The following BMPR1B variants were observed in gnomAD, a reference collection of about 807,000 sequenced individuals.
BMPR1B encodes the protein bone morphogenetic protein receptor type 1B, also known as bone morphogenetic protein receptor type-1B.
In BMPR1B, 12 loss-of-function variants were observed where a neutral mutation model predicts 59.1. The observed-to-expected ratio is 0.20, with a 90% CI of 0.13 to 0.33. BMPR1B has a LOEUF of 0.33. Ranked by LOEUF, BMPR1B falls within the 10% of genes least tolerant of loss-of-function variation. The pLI, the probability that BMPR1B is intolerant of heterozygous loss-of-function variation, is 1.00. For missense variants in BMPR1B, 550 were observed against 610.9 expected (o/e 0.90, Z 1.05); for synonymous variants, 237 against 207.3 (o/e 1.14, Z -1.23).
At chr4:94,951,925 C>T (rs1560564510) in intron 2 of BMPR1B, among the ~76,000 whole-genome samples, 1 of 152,096 alleles carries the variant, frequency 6.6e-6, no homozygotes, top group African/African-American at 2.4e-5. Context: ...ATTACTACCA[C>T]AATTTCAGAA....
intron 2 of BMPR1B, among the ~76,000 whole-genome samples, chr4:94,963,670 T>C (rs988276343): frequency 3.3e-5 from 5 of 152,170 alleles, no homozygotes; most frequent in African/African-American, 1.2e-4. Context: ...GAACTAGTTA[T>C]GGGTTCTCTG....
At chr4:94,836,239 T>C (rs1376937531) in intron 1 of BMPR1B, among the ~76,000 whole-genome samples, 2 of 151,316 alleles carry the variant, frequency 1.3e-5, no homozygotes, top group Non-Finnish European at 2.9e-5. Context: ...TGTGTCTTTA[T>C]AGCAGCATGA....
intron 1 of BMPR1B, among the ~76,000 whole-genome samples, chr4:94,837,935 C>A (rs1288035992): frequency 2.3e-5 from 3 of 129,608 alleles, no homozygotes; most frequent in Admixed American, 7.4e-5. Context: ...TATGTCCCAT[C>A]AATACCTAAT....
intron 1 of BMPR1B, among the ~76,000 whole-genome samples, chr4:94,870,003 G>A (rs1726415311): frequency 6.6e-6 from 1 of 152,206 alleles, no homozygotes; most frequent in South Asian, 2.1e-4. Context: ...TTGAAAATCT[G>A]TGTAGTCAGT....
chr4:95,120,462 A>G (rs1732391837), intron 6 of BMPR1B, among the ~76,000 whole-genome samples: 1 of 152,222 alleles, frequency 6.6e-6, no homozygotes, highest in Non-Finnish European at 1.5e-5. Context: ...TTATGAAAAG[A>G]AGAAGTTAAA....
At chr4:94,822,700 C>G (rs558674016) in intron 1 of BMPR1B, among the ~76,000 whole-genome samples, 2 of 152,248 alleles carry the variant, frequency 1.3e-5, no homozygotes, top group African/African-American at 4.8e-5. Context: ...TATTCAAAGT[C>G]ACTGCCATAG....
In BMPR1B at chr4:95,154,833, A is replaced by G. The variant is rs1735301063; in HGVS notation, c.*160A>G. On this transcript the variant is annotated 3_prime_UTR_variant, in exon 13 of 13. Coordinates refer to ENST00000515059, the MANE Select transcript of BMPR1B (RefSeq NM_001203.3). Reference sequence around the variant, plus strand: ...TCACCTCTCAGGGAGCGACCTGGGCAAAGACAGAGAAGCTCCCAGAAGGAG... The same window carrying G: ...TCACCTCTCAGGGAGCGACCTGGGCGAAGACAGAGAAGCTCCCAGAAGGAG... 6.4e-6 allele frequency: 6 copies of G among 939,290 alleles called. No individual in the cohort carries two copies. The East Asian group carries it at 1.3e-4, about 21-fold the overall frequency. The allele number at this position is 939,290 out of a possible 1,614,324, so 58.2% of individuals were successfully genotyped here.
chr4:95,139,441 C>G (rs1357184633), intron 10 of BMPR1B, among the ~76,000 whole-genome samples: 1 of 152,176 alleles, frequency 6.6e-6, no homozygotes, highest in African/African-American at 2.4e-5. Context: ...CTTTTCAAAG[C>G]TGTCAGACAG....
At chr4:94,938,976 A>C (rs1729416168) in intron 2 of BMPR1B, among the ~76,000 whole-genome samples, 1 of 152,208 alleles carries the variant, frequency 6.6e-6, no homozygotes, top group Admixed American at 6.5e-5. Flanking sequence ...CAGCCACTGT[A>C]TGCCAGCCTG....
chr4:94,978,575 C>A (rs1281142158), intron 2 of BMPR1B, among the ~76,000 whole-genome samples: 1 of 152,170 alleles, frequency 6.6e-6, no homozygotes, highest in Non-Finnish European at 1.5e-5. Flanking sequence ...AATTTTATGA[C>A]CTGCCTTTCA....
At chr4:95,015,554 T>C (rs1223783871) in intron 3 of BMPR1B, among the ~76,000 whole-genome samples, 2 of 152,092 alleles carry the variant, frequency 1.3e-5, no homozygotes, top group Non-Finnish European at 2.9e-5. Flanking sequence ...CCAGACTCAT[T>C]TTTTAATTTT....
intron 3 of BMPR1B, among the ~76,000 whole-genome samples, chr4:95,031,010 G>GA (rs1384208275): frequency 1.3e-5 from 2 of 151,626 alleles, no homozygotes; most frequent in Non-Finnish European, 1.5e-5. Context: ...CACAGAATTG[G>GA]AAAAAACTAC....
At chr4:95,044,443 A>G (rs1027197244) in intron 3 of BMPR1B, among the ~76,000 whole-genome samples, 1 of 152,154 alleles carries the variant, frequency 6.6e-6, no homozygotes, top group South Asian at 2.1e-4. Context: ...GTGAATACTT[A>G]AAGAAGGTCA....
chr4:94,820,404 C>T (rs2110653326), intron 1 of BMPR1B, among the ~76,000 whole-genome samples: 1 of 152,316 alleles, frequency 6.6e-6, no homozygotes, highest in East Asian at 1.9e-4. Context: ...GTTGAAGTAA[C>T]CGGATTGCTT....
chr4:94,881,311 G>T (rs770062707), intron 2 of BMPR1B, among the ~76,000 whole-genome samples: 1 of 152,032 alleles, frequency 6.6e-6, no homozygotes, highest in Non-Finnish European at 1.5e-5. Context: ...AAACACATGC[G>T]TATTTAGAAG....
At chr4:94,985,356 A>G (rs1721330793) in intron 2 of BMPR1B, among the ~76,000 whole-genome samples, 1 of 152,162 alleles carries the variant, frequency 6.6e-6, no homozygotes, top group African/African-American at 2.4e-5. Flanking sequence ...AAAGGAGACA[A>G]GCTCCAGAGA....
chr4:95,040,657 G>C (rs1279895107), intron 3 of BMPR1B, among the ~76,000 whole-genome samples: 1 of 152,190 alleles, frequency 6.6e-6, no homozygotes, highest in Admixed American at 6.5e-5. Flanking sequence ...GGTTTTTATA[G>C]TGTATAACTT....
At chr4:95,082,823 G>A (rs1729265929) in intron 3 of BMPR1B, among the ~76,000 whole-genome samples, 1 of 151,908 alleles carries the variant, frequency 6.6e-6, no homozygotes, top group Non-Finnish European at 1.5e-5. Flanking sequence ...CGGATCACGA[G>A]GTCAGGAGAT....
chr4:95,011,097 T>A (rs1723194491), intron 3 of BMPR1B, among the ~76,000 whole-genome samples: 1 of 152,170 alleles, frequency 6.6e-6, no homozygotes, highest in African/African-American at 2.4e-5. Flanking sequence ...TATTAAACTG[T>A]TATTTTAGAT....
Sources: gnomAD v4.1 joint callset for allele counts (sites outside exome capture counted in the v4.1 genomes callset) on GRCh38, gnomAD v4.1.1 for gene constraint, MANE v1.5 for transcripts, NCBI Gene and HGNC (gene_info 2026-07-23, HGNC 2026-07-21) for gene names.